The following EPHA6 variants were observed in gnomAD, a reference collection of about 807,000 sequenced individuals.
EPHA6 encodes the protein EPH receptor A6, also known as ephrin type-A receptor 6.
A neutral mutation model predicts 112.0 loss-of-function variants in EPHA6; 50 were observed. The ratio of observed to expected loss-of-function variants is 0.45; its 90% CI spans 0.36 to 0.56. EPHA6 has a LOEUF of 0.56. Ranked by LOEUF, EPHA6 falls within the 20% of genes least tolerant of loss-of-function variation. The pLI, the probability that EPHA6 is intolerant of heterozygous loss-of-function variation, is 0.00. For synonymous variants in EPHA6, 529 were observed against 490.7 expected, an observed-to-expected ratio of 1.08 and a Z score of -1.03; for missense variants, 1,280 against 1,417.4, an observed-to-expected ratio of 0.90 and a Z score of 1.56.
chr3:97,436,172 A>C (rs1423338111), intron 6 of EPHA6, among the ~76,000 whole-genome samples: 1 of 152,176 alleles, frequency 6.6e-6, no homozygotes, highest in Non-Finnish European at 1.5e-5. Context: ...AAGTTAGATC[A>C]TTATTTGAAA....
intron 10 of EPHA6, among the ~76,000 whole-genome samples, chr3:97,484,455 A>C (rs1428726770): frequency 6.6e-6 from 1 of 152,200 alleles, no homozygotes; most frequent in African/African-American, 2.4e-5. Context: ...GAGAATCACC[A>C]AAGATAAAAT....
chr3:97,655,016 A>G (rs1176878894), intron 14 of EPHA6, among the ~76,000 whole-genome samples: 2 of 151,246 alleles, frequency 1.3e-5, no homozygotes, highest in Non-Finnish European at 3.0e-5. Flanking sequence ...TTATGCCGGT[A>G]AAGAAGAAAA....
chr3:97,646,251 G>A, intron 14 of EPHA6: 1 of 1,535,196 alleles, frequency 6.5e-7, no homozygotes, highest in Non-Finnish European at 8.7e-7. Flanking sequence ...AAACAGAAGG[G>A]CCATGGGAGC....
chr3:96,938,632 CT>C (rs757154923), intron 2 of EPHA6, among the ~76,000 whole-genome samples: 2,154 of 152,034 alleles, frequency 0.014, 57 homozygotes, highest in African/African-American at 0.049. Context: ...CTGGCCAGAA[CT>C]TCCAACACTA....
At chr3:97,142,747 TA>T (rs1400730583) in intron 3 of EPHA6, among the ~76,000 whole-genome samples, 2 of 151,718 alleles carry the variant, frequency 1.3e-5, no homozygotes, top group Non-Finnish European at 3.0e-5. Context: ...TCTATCTCAA[TA>T]GACACAGAAA....
chr3:97,599,186 G>C (rs1029236610), intron 12 of EPHA6, among the ~76,000 whole-genome samples: 1 of 150,844 alleles, frequency 6.6e-6, no homozygotes, highest in Non-Finnish European at 1.5e-5. Context: ...AGACGAGTAG[G>C]TTGCGAAAAT....
intron 1 of EPHA6, among the ~76,000 whole-genome samples, chr3:96,837,989 C>T (rs2034518505): frequency 6.6e-6 from 1 of 152,044 alleles, no homozygotes; most frequent in Non-Finnish European, 1.5e-5. Flanking sequence ...AGGTGTTAAG[C>T]CCAGCATCCA....
At chr3:97,647,414 C>T (rs573141860) in intron 14 of EPHA6, among the ~76,000 whole-genome samples, 1 of 152,054 alleles carries the variant, frequency 6.6e-6, no homozygotes, top group South Asian at 2.1e-4. Context: ...TAAAATACAT[C>T]AAGCTTTTTC....
At chr3:97,020,495 A>G (rs921661238) in intron 3 of EPHA6, among the ~76,000 whole-genome samples, 9 of 152,196 alleles carry the variant, frequency 5.9e-5, no homozygotes, top group Non-Finnish European at 2.9e-5. Flanking sequence ...AGCATAGATG[A>G]AGAGTCAAGA....
chr3:97,183,744 C>T (rs1046053148), intron 3 of EPHA6, among the ~76,000 whole-genome samples: 34 of 151,826 alleles, frequency 2.2e-4, no homozygotes, highest in African/African-American at 8.0e-4. Flanking sequence ...TTTTCCTGGC[C>T]GTAACTTCAG....
intron 2 of EPHA6, among the ~76,000 whole-genome samples, chr3:96,980,924 T>C (rs1167649481): frequency 6.6e-6 from 1 of 152,222 alleles, no homozygotes; most frequent in East Asian, 1.9e-4. Flanking sequence ...TTGCTGAAGT[T>C]GCTTATCAGC....
chr3:97,166,853 T>G (rs9818654), intron 3 of EPHA6, among the ~76,000 whole-genome samples: 64,800 of 152,064 alleles, frequency 0.43, 17,733 homozygotes, highest in African/African-American at 0.78. Context: ...TCAATTTCTG[T>G]TCAGGGAAAC....
intron 10 of EPHA6, among the ~76,000 whole-genome samples, chr3:97,521,529 C>T (rs1308259652): frequency 6.6e-6 from 1 of 152,136 alleles, no homozygotes; most frequent in Non-Finnish European, 1.5e-5. Flanking sequence ...AGGGAAGCCT[C>T]TTGTAAAACC....
intron 2 of EPHA6, among the ~76,000 whole-genome samples, chr3:96,956,101 G>A (rs975727999): frequency 7.1e-6 from 1 of 141,676 alleles, no homozygotes; most frequent in African/African-American, 2.4e-5. Flanking sequence ...AAATGTTGCA[G>A]TGTAAAAAGA....
At chr3:97,358,460 A>G (rs2084197424) in intron 5 of EPHA6, among the ~76,000 whole-genome samples, 1 of 152,126 alleles carries the variant, frequency 6.6e-6, no homozygotes, top group Admixed American at 6.5e-5. Flanking sequence ...ATTAGTTTTT[A>G]AAGTTATGTA....
At position 96,938,459 on chromosome 3, in the gene EPHA6, G is replaced by A. The variant is rs150597513; in HGVS notation, c.451-48871G>A. Among the ~76,000 whole-genome samples the A allele has an allele frequency of 4.5e-4, 69 of 152,138 alleles. No individual in the cohort carries two copies. The East Asian group carries it at 9.3e-3, about 21-fold the overall frequency. The stretch of plus-strand genomic sequence containing the variant: ...CTTGTGATTTTTGTACATTGATTTT[G>A]TATCCTGAGACTTTGCTGATGTTGC... On this transcript the variant is annotated intron_variant, in intron 2 of 17. Coordinates refer to ENST00000389672, the MANE Select transcript of EPHA6 (RefSeq NM_001080448.3).
At chr3:96,991,849 A>G (rs1331197924) in intron 3 of EPHA6, among the ~76,000 whole-genome samples, 1 of 152,172 alleles carries the variant, frequency 6.6e-6, no homozygotes, top group Non-Finnish European at 1.5e-5. Context: ...GAACAGGGGC[A>G]GGATAATTGG....
intron 3 of EPHA6, among the ~76,000 whole-genome samples, chr3:97,023,065 A>T (rs1356746732): frequency 3.3e-5 from 5 of 151,976 alleles, no homozygotes; most frequent in Non-Finnish European, 4.4e-5. Context: ...GTATCTGTGG[A>T]TCCAATGCCT....
intron 3 of EPHA6, among the ~76,000 whole-genome samples, chr3:97,076,033 A>G (rs899481254): frequency 3.9e-5 from 6 of 152,024 alleles, no homozygotes; most frequent in African/African-American, 1.4e-4. Flanking sequence ...ACACAACACT[A>G]TTGAAATTAG....
Sources: allele counts gnomAD v4.1 joint callset (sites outside exome capture counted in the v4.1 genomes callset), GRCh38; gene constraint gnomAD v4.1.1; transcripts MANE v1.5; gene names NCBI Gene and HGNC (gene_info 2026-07-23, HGNC 2026-07-21).